Variants in EYS observed in about 807,000 individuals in gnomAD.
EYS encodes protein eyes shut homolog.
In EYS, 250 loss-of-function variants were observed where a neutral mutation model predicts 282.1. That is an observed-to-expected ratio of 0.89 (90% CI 0.80 to 0.98). The LOEUF (loss-of-function observed/expected upper bound fraction) is 0.98, where lower values mean the gene tolerates loss of function less well. Ranked by LOEUF, EYS falls within the 50% of genes least tolerant of loss-of-function variation. EYS has a pLI of 0.00. For missense variants in EYS, 4,016 were observed against 3,709.0 expected (o/e 1.08, Z -2.15); for synonymous variants, 1,355 against 1,282.9 (o/e 1.06, Z -1.20).
At chr6:65,498,824 G>T (rs1204142824) in intron 2 of EYS, among the ~76,000 whole-genome samples, 1 of 151,946 alleles carries the variant, frequency 6.6e-6, no homozygotes, top group Non-Finnish European at 1.5e-5. Flanking sequence ...ATGTGTCTCA[G>T]TTTTTCATTT....
intron 40 of EYS, among the ~76,000 whole-genome samples, chr6:63,774,045 A>G (rs1381799766): frequency 6.6e-6 from 1 of 152,218 alleles, no homozygotes; most frequent in Non-Finnish European, 1.5e-5. Flanking sequence ...TCATTTATGA[A>G]CTTAATCTTT....
At chr6:64,826,060 C>T (rs984491209) in intron 19 of EYS, among the ~76,000 whole-genome samples, 1 of 151,824 alleles carries the variant, frequency 6.6e-6, no homozygotes, top group African/African-American at 2.4e-5. Flanking sequence ...GTCTCAGTCT[C>T]AGTTTTTTGC....
chr6:64,655,095 G>T (rs1402904904), intron 22 of EYS, among the ~76,000 whole-genome samples: 1 of 152,122 alleles, frequency 6.6e-6, no homozygotes, highest in African/African-American at 2.4e-5. Flanking sequence ...TATCATTCAT[G>T]TAATCATTGC....
At chr6:65,441,054 TAA>T (rs113731725) in intron 5 of EYS, among the ~76,000 whole-genome samples, 1,960 of 150,176 alleles carry the variant, frequency 0.013, 35 homozygotes, top group South Asian at 0.04. Context: ...AGAAAAATAA[TAA>T]GATTAATTAA....
At chr6:65,151,299 G>C (rs955616958) in intron 12 of EYS, among the ~76,000 whole-genome samples, 4 of 151,964 alleles carry the variant, frequency 2.6e-5, no homozygotes, top group African/African-American at 9.7e-5. Flanking sequence ...TTATTAGAGA[G>C]GGCTTTTAGG....
chr6:64,470,153 G>A (rs1325261874), intron 26 of EYS, among the ~76,000 whole-genome samples: 1 of 152,094 alleles, frequency 6.6e-6, no homozygotes, highest in Admixed American at 6.5e-5. Context: ...CTGCGTCTTG[G>A]TGGTAGTGGT....
chr6:64,660,093 A>C (rs1438649992), intron 22 of EYS, among the ~76,000 whole-genome samples: 1 of 152,190 alleles, frequency 6.6e-6, no homozygotes, highest in Non-Finnish European at 1.5e-5. Flanking sequence ...TACACAAATC[A>C]ATAAACATAA....
intron 36 of EYS, among the ~76,000 whole-genome samples, chr6:63,860,102 A>C (rs1261208291): frequency 6.6e-6 from 1 of 152,156 alleles, no homozygotes; most frequent in Non-Finnish European, 1.5e-5. Context: ...TTATAAAATA[A>C]ATATATATTA....
chr6:65,437,301 T>C (rs938204438), intron 5 of EYS, among the ~76,000 whole-genome samples: 1 of 149,332 alleles, frequency 6.7e-6, no homozygotes, highest in Non-Finnish European at 1.5e-5. Context: ...AAAACATATA[T>C]TAGTGTTTTT....
intron 35 of EYS, among the ~76,000 whole-genome samples, chr6:63,917,151 C>G (rs951942867): frequency 1.8e-4 from 28 of 152,330 alleles, no homozygotes; most frequent in Admixed American, 3.3e-4. Flanking sequence ...CATGTGTACA[C>G]GTGCACGCGC....
At chr6:64,758,074 C>T (rs1175073341) in intron 22 of EYS, among the ~76,000 whole-genome samples, 3 of 151,928 alleles carry the variant, frequency 2.0e-5, no homozygotes, top group Non-Finnish European at 4.4e-5. Context: ...GTGCCCGGCC[C>T]AAAAGATTAA....
intron 31 of EYS, among the ~76,000 whole-genome samples, chr6:64,144,865 C>T (rs984435490): frequency 2.0e-5 from 3 of 152,036 alleles, no homozygotes; most frequent in African/African-American, 7.2e-5. Context: ...CTCTTTTTTT[C>T]CAAATTTTCT....
intron 2 of EYS, among the ~76,000 whole-genome samples, chr6:65,545,500 T>C (rs560902502): frequency 1.6e-4 from 25 of 152,148 alleles, no homozygotes; most frequent in Non-Finnish European, 2.8e-4. Flanking sequence ...ATAAATAATC[T>C]TTCAACCCAT....
intron 1 of EYS, among the ~76,000 whole-genome samples, chr6:65,653,317 T>C (rs1767718158): frequency 6.6e-6 from 1 of 151,834 alleles, no homozygotes; most frequent in South Asian, 2.1e-4. Context: ...AGGATGGGCA[T>C]AGTTTATATG....
Position 64,904,734 on chromosome 6 carries a change from C to T in EYS, c.2642-2234G>A, listed in dbSNP as rs528069236. 1.5e-4 allele frequency among the ~76,000 whole-genome samples: 23 copies of T among 152,206 alleles called. 1 individual carries two copies. The South Asian group carries it at 4.8e-3, about 32-fold the overall frequency. On this transcript the variant is annotated intron_variant, in intron 16 of 42. Transcript: ENST00000503581. ...CTGGCTATAAAGAAGCACCAGTGAG[C>T]CTCCATGATTTCAGCTGTGCTGATG...
chr6:64,654,415 A>G (rs1014704836), intron 22 of EYS, among the ~76,000 whole-genome samples: 10 of 152,182 alleles, frequency 6.6e-5, no homozygotes, highest in African/African-American at 2.4e-4. Flanking sequence ...CAAACAAGCA[A>G]TTACAAAAAT....
intron 29 of EYS, among the ~76,000 whole-genome samples, chr6:64,329,238 G>T (rs759258667): frequency 6.6e-6 from 1 of 152,164 alleles, no homozygotes; most frequent in Non-Finnish European, 1.5e-5. Context: ...TGGAGCTACA[G>T]GAATAACAGA....
chr6:65,186,443 G>C (rs2150236787), intron 12 of EYS, among the ~76,000 whole-genome samples: 1 of 151,758 alleles, frequency 6.6e-6, no homozygotes, highest in Admixed American at 6.6e-5. Context: ...GAGTCTATTG[G>C]TTTTAAACTA....
intron 18 of EYS, among the ~76,000 whole-genome samples, chr6:64,893,256 A>G (rs965974154): frequency 2.0e-5 from 3 of 152,090 alleles, no homozygotes; most frequent in African/African-American, 7.2e-5. Context: ...ATGTGCCATT[A>G]TATCTCAGCA....
Sources: gnomAD v4.1 joint callset for allele counts (sites outside exome capture counted in the v4.1 genomes callset) on GRCh38, gnomAD v4.1.1 for gene constraint, MANE v1.5 for transcripts, NCBI Gene and HGNC (gene_info 2026-07-23, HGNC 2026-07-21) for gene names.